Variants in UNC5D observed in about 807,000 individuals in gnomAD.
The protein encoded by UNC5D is netrin receptor UNC5D.
Under a neutral mutation model 105.4 loss-of-function variants are expected in UNC5D, and 39 were observed. That is an observed-to-expected ratio of 0.37 (90% CI 0.29 to 0.48). The LOEUF is 0.48. Ranked by LOEUF, UNC5D falls within the 20% of genes least tolerant of loss-of-function variation. UNC5D has a pLI of 0.98. For missense variants in UNC5D, 991 were observed against 1,202.4 expected, an observed-to-expected ratio of 0.82 and a Z score of 2.60; for synonymous variants, 452 against 450.4, an observed-to-expected ratio of 1.00 and a Z score of -0.04.
intron 1 of UNC5D, among the ~76,000 whole-genome samples, chr8:35,354,346 C>T (rs1161207847): frequency 1.3e-5 from 2 of 151,966 alleles, no homozygotes; most frequent in Non-Finnish European, 2.9e-5. Context: ...ATTGAGAAAC[C>T]TCAGGGGAGA....
At chr8:35,400,620 T>C (rs899981605) in intron 1 of UNC5D, among the ~76,000 whole-genome samples, 8 of 152,194 alleles carry the variant, frequency 5.3e-5, no homozygotes, top group African/African-American at 1.4e-4. Flanking sequence ...GTAACAAATA[T>C]ACCAGCATGT....
intron 16 of UNC5D, among the ~76,000 whole-genome samples, chr8:35,783,754 G>A (rs915287772): frequency 1.8e-4 from 27 of 152,070 alleles, no homozygotes; most frequent in Admixed American, 4.6e-4. Context: ...AAGAAAGGGT[G>A]GTATCTCTAG....
intron 1 of UNC5D, among the ~76,000 whole-genome samples, chr8:35,424,900 C>T (rs1806142298): frequency 6.6e-6 from 1 of 152,202 alleles, no homozygotes; most frequent in Admixed American, 6.5e-5. Context: ...TACAGGGCTG[C>T]TGACTTGTTT....
intron 1 of UNC5D, among the ~76,000 whole-genome samples, chr8:35,351,638 G>A (rs1452712978): frequency 6.6e-6 from 1 of 151,956 alleles, no homozygotes; most frequent in African/African-American, 2.4e-5. Flanking sequence ...GAAGTGTATA[G>A]CATTAAATAT....
chr8:35,558,711 A>G (rs753063420), intron 2 of UNC5D, among the ~76,000 whole-genome samples: 1 of 152,148 alleles, frequency 6.6e-6, no homozygotes, highest in Non-Finnish European at 1.5e-5. Context: ...GGCCGGGCGC[A>G]GTGGCTCACG....
rs541952052 is a variant in UNC5D at position 35,694,007 on chromosome 8, A to G, written c.1084+7298A>G. The stretch of plus-strand genomic sequence containing the variant: ...TACTTAGAGAGCGAGGAAAAAAACG[A>G]AAGCAAAACAAAGTAAAACATAACA... On this transcript the variant is annotated intron_variant, in intron 7 of 16. Transcript: ENST00000404895. Among the ~76,000 whole-genome samples the G allele has an allele frequency of 7.2e-5, 11 of 152,310 alleles. No homozygotes were observed. In the East Asian group the frequency reaches 1.5e-3, roughly 21 times the overall value.
At chr8:35,245,969 T>C (rs1803066081) in intron 1 of UNC5D, among the ~76,000 whole-genome samples, 1 of 152,176 alleles carries the variant, frequency 6.6e-6, no homozygotes, top group Non-Finnish European at 1.5e-5. Context: ...AACCATCACT[T>C]CACTCTCCAT....
At chr8:35,659,265 GC>G (rs1313417402) in intron 4 of UNC5D, among the ~76,000 whole-genome samples, 1 of 152,154 alleles carries the variant, frequency 6.6e-6, no homozygotes, top group Non-Finnish European at 1.5e-5. Flanking sequence ...CCAAATGACA[GC>G]CCCATGATTG....
At chr8:35,615,049 C>T (rs1374025588) in intron 4 of UNC5D, among the ~76,000 whole-genome samples, 13 of 116,486 alleles carry the variant, frequency 1.1e-4, no homozygotes, top group Admixed American at 2.9e-4. Context: ...CCCCCCCCCC[C>T]GTCCCCCACC....
chr8:35,626,838 T>G lies in UNC5D; in HGVS notation c.570+31181T>G, dbSNP rs189311320. On this transcript the variant is annotated intron_variant, in intron 4 of 16. Coordinates refer to ENST00000404895, the MANE Select transcript of UNC5D (RefSeq NM_080872.4). ...TATATGAAAACACCTTGCTGATACTTTTTTTTTTCTCCCAGGTATCTGGCT... is the reference window on the plus strand; with the variant it reads ...TATATGAAAACACCTTGCTGATACTGTTTTTTTTCTCCCAGGTATCTGGCT... Among the ~76,000 whole-genome samples the G allele has an allele frequency of 2.4e-4, 37 of 151,540 alleles. No homozygotes were observed. The East Asian group carries it at 4.4e-3, about 18-fold the overall frequency.
intron 3 of UNC5D, among the ~76,000 whole-genome samples, chr8:35,578,240 A>AG (rs1818225044): frequency 1.4e-5 from 2 of 146,318 alleles, no homozygotes; most frequent in African/African-American, 5.3e-5. Context: ...AAAAAAAAAA[A>AG]AAAGAAAGAA....
At chr8:35,686,374 G>C (rs1468095001) in intron 6 of UNC5D, among the ~76,000 whole-genome samples, 171 bp from the exon 7 acceptor site, 1 of 152,162 alleles carries the variant, frequency 6.6e-6, no homozygotes, top group Non-Finnish European at 1.5e-5. Flanking sequence ...TTGTAAGCCT[G>C]TCTCTTCAGG....
chr8:35,569,783 C>G (rs536200385), intron 3 of UNC5D, among the ~76,000 whole-genome samples: 1 of 152,338 alleles, frequency 6.6e-6, no homozygotes, highest in Non-Finnish European at 1.5e-5. Context: ...GCCAGGGCAT[C>G]TGACTTGAGT....
At chr8:35,387,256 G>A (rs375008693) in intron 1 of UNC5D, among the ~76,000 whole-genome samples, 3 of 151,548 alleles carry the variant, frequency 2.0e-5, no homozygotes, top group African/African-American at 4.9e-5. Context: ...CCAGCTCCTC[G>A]GGAGGCGGAG....
intron 1 of UNC5D, among the ~76,000 whole-genome samples, chr8:35,323,924 G>A (rs928601621): frequency 7.9e-5 from 12 of 151,994 alleles, no homozygotes; most frequent in African/African-American, 1.2e-4. Context: ...ATATAGCTTC[G>A]GGACAAACAT....
At chr8:35,539,601 G>C (rs900464315) in intron 1 of UNC5D, among the ~76,000 whole-genome samples, 6 of 152,308 alleles carry the variant, frequency 3.9e-5, no homozygotes, top group African/African-American at 1.4e-4. Flanking sequence ...TTTAGCCTCT[G>C]AGAGCCTGGA....
At chr8:35,693,891 A>G (rs1369337774) in intron 7 of UNC5D, among the ~76,000 whole-genome samples, 1 of 152,120 alleles carries the variant, frequency 6.6e-6, no homozygotes, top group Non-Finnish European at 1.5e-5. Context: ...TTATGAGAGA[A>G]GTCAAAATAA....
chr8:35,609,335 A>G (rs1317346143), intron 4 of UNC5D, among the ~76,000 whole-genome samples: 1 of 152,164 alleles, frequency 6.6e-6, no homozygotes, highest in Non-Finnish European at 1.5e-5. Flanking sequence ...TCTTTTCTCC[A>G]TGATTTGGAT....
chr8:35,480,584 C>CT lies in UNC5D; in HGVS notation c.104-68701dup, dbSNP rs1252212957. On this transcript the variant is annotated intron_variant, in intron 1 of 16. Transcript: ENST00000404895. ...CAAAACAATAATCATTATTGAACAA[C>CT]TTTTTTTAATTGCTATATGTGAGAG... Among the ~76,000 whole-genome samples the CT allele has an allele frequency of 2.0e-5, 3 of 152,226 alleles. No individual in the cohort carries two copies. The East Asian group carries it at 5.8e-4, about 29-fold the overall frequency.
Sources: allele counts gnomAD v4.1 joint callset (sites outside exome capture counted in the v4.1 genomes callset), GRCh38; gene constraint gnomAD v4.1.1; transcripts MANE v1.5; gene names NCBI Gene and HGNC (gene_info 2026-07-23, HGNC 2026-07-21).